The following RGS8 variants were observed in gnomAD, a reference collection of about 807,000 sequenced individuals.
RGS8 encodes the protein regulator of G-protein signaling 8.
A neutral mutation model predicts 21.7 loss-of-function variants in RGS8; 8 were observed. The ratio of observed to expected loss-of-function variants is 0.37; its 90% CI spans 0.22 to 0.66. The LOEUF (loss-of-function observed/expected upper bound fraction) is 0.66, where lower values mean the gene tolerates loss of function less well. Ranked by LOEUF, RGS8 falls within the 30% of genes least tolerant of loss-of-function variation. RGS8 has a pLI of 0.59. For missense variants in RGS8, 157 were observed against 217.9 expected (o/e 0.72, Z 1.76); for synonymous variants, 80 against 83.6 (o/e 0.96, Z 0.24).
At position 182,655,999 on chromosome 1, in the gene RGS8, G is replaced by T. The variant is rs79080234; in HGVS notation, c.194-7696C>A. 2.8e-3 allele frequency among the ~76,000 whole-genome samples: 422 copies of T among 152,274 alleles called. 3 individuals carry two copies. The highest frequency in any genetic ancestry group is 9.6e-3 in the African/African-American group (397 of 41,542). ...GCCCAAGCGTTCTCATCTCTAAAAT[G>T]GGAATAATGAATAATGTCAGGACTT... On this transcript the variant is annotated intron_variant, in intron 5 of 6. Transcript: ENST00000483095.
chr1:182,689,247 G>A (rs540069784), upstream of RGS8, among the ~76,000 whole-genome samples: 77 of 148,226 alleles, frequency 5.2e-4, no homozygotes, highest in African/African-American at 1.7e-3. Flanking sequence ...TCTCGTGCAC[G>A]CGCACGCACA....
At chr1:182,701,935 C>T in the RGS8 span, among the ~76,000 whole-genome samples, 2 of 152,132 alleles carry the variant, frequency 1.3e-5, no homozygotes, top group Non-Finnish European at 2.9e-5. Flanking sequence ...TAAAAAACAA[C>T]AGACGCTGGT....
intron 1 of RGS8, among the ~76,000 whole-genome samples, chr1:182,679,621 C>G (rs1174909880): frequency 2.0e-5 from 3 of 152,030 alleles, no homozygotes; most frequent in Non-Finnish European, 4.4e-5. Flanking sequence ...ATATTTTTGT[C>G]CAACTCTAGC....
At chr1:182,673,556 G>A (rs1312214929), upstream of RGS8, among the ~76,000 whole-genome samples, 2 of 152,160 alleles carry the variant, frequency 1.3e-5, no homozygotes, top group African/African-American at 2.4e-5. Flanking sequence ...CTGTTGATAA[G>A]ATGAAATAAA....
At chr1:182,705,586 G>GA in the RGS8 span, among the ~76,000 whole-genome samples, 1 of 135,624 alleles carries the variant, frequency 7.4e-6, no homozygotes, top group African/African-American at 2.9e-5. Context: ...GGGTGAGTAT[G>GA]AAGGAGAAGG....
At chr1:182,698,112 C>A in the RGS8 span, among the ~76,000 whole-genome samples, 5 of 152,232 alleles carry the variant, frequency 3.3e-5, no homozygotes, top group Non-Finnish European at 5.9e-5. Flanking sequence ...TCCCCTGTTT[C>A]TCCCTTCCCC....
chr1:182,685,298 T>C (rs923625476), upstream of RGS8, among the ~76,000 whole-genome samples: 3 of 152,112 alleles, frequency 2.0e-5, no homozygotes, highest in African/African-American at 7.2e-5. Context: ...TAAAGGTCCA[T>C]TTGGAGAGTC....
intron 5 of RGS8, among the ~76,000 whole-genome samples, chr1:182,651,015 A>G (rs915346585): frequency 1.3e-5 from 2 of 152,226 alleles, no homozygotes; most frequent in Non-Finnish European, 1.5e-5. Flanking sequence ...AGAGTAACGT[A>G]ATTTAGACTC....
At chr1:182,672,884 T>C, upstream of RGS8, 3 of 1,610,896 alleles carry the variant, frequency 1.9e-6, no homozygotes, top group Non-Finnish European at 2.5e-6. Context: ...CTTGCCCTAG[T>C]GTAGTGGTTC....
the RGS8 span, among the ~76,000 whole-genome samples, chr1:182,736,234 C>A: frequency 8.5e-5 from 13 of 152,170 alleles, no homozygotes; most frequent in Non-Finnish European, 1.9e-4. Context: ...ACCAGTGGTA[C>A]AATTACCACT....
At chr1:182,663,994 C>T (rs1381787495) in intron 5 of RGS8, among the ~76,000 whole-genome samples, 2 of 152,146 alleles carry the variant, frequency 1.3e-5, no homozygotes, top group African/African-American at 2.4e-5. Flanking sequence ...ATCAGAGTCT[C>T]CATCTCAGAA....
At chr1:182,683,545 C>A (rs1052318093) in intron 1 of RGS8, among the ~76,000 whole-genome samples, 1 of 149,020 alleles carries the variant, frequency 6.7e-6, no homozygotes, top group Non-Finnish European at 1.5e-5. Context: ...AAGCCAGGTT[C>A]TCAGTATGTA....
chr1:182,671,575 G>A, intron 2 of RGS8, 82 bp downstream of exon 3: 1 of 1,214,464 alleles, frequency 8.2e-7, no homozygotes, highest in Non-Finnish European at 1.2e-6. Context: ...GCATGAAGAG[G>A]CAAGTTAATT....
chr1:182,690,424 G>C, the RGS8 span, among the ~76,000 whole-genome samples: 1 of 152,194 alleles, frequency 6.6e-6, no homozygotes, highest in African/African-American at 2.4e-5. Context: ...AAATATCAGT[G>C]ATGGAGTTGT....
chr1:182,729,061 G>T, the RGS8 span, among the ~76,000 whole-genome samples: 1 of 152,226 alleles, frequency 6.6e-6, no homozygotes, highest in South Asian at 2.1e-4. Flanking sequence ...GGTAAGGCAG[G>T]ACAACCTGCT....
At chr1:182,685,098 A>T (rs1664669127), upstream of RGS8, among the ~76,000 whole-genome samples, 1 of 152,146 alleles carries the variant, frequency 6.6e-6, no homozygotes, top group South Asian at 2.1e-4. Flanking sequence ...AGGCAAAAAA[A>T]AAAAAAAAAT....
the RGS8 span, among the ~76,000 whole-genome samples, chr1:182,698,398 C>T: frequency 1.7e-4 from 26 of 152,312 alleles, no homozygotes; most frequent in African/African-American, 6.3e-4. Flanking sequence ...ATAACCCTGC[C>T]GTGCCTCAGT....
intron 6 of RGS8, 83 bp downstream of exon 7, chr1:182,648,054 A>G (rs1424477439): frequency 7.7e-7 from 1 of 1,301,400 alleles, no homozygotes; most frequent in African/African-American, 1.5e-5. Context: ...AGTCCTCATC[A>G]AGCCTGGCTC....
intron 1 of RGS8, among the ~76,000 whole-genome samples, chr1:182,682,812 A>T (rs1330905497): frequency 1.3e-5 from 2 of 152,172 alleles, no homozygotes; most frequent in Non-Finnish European, 2.9e-5. Context: ...TTCTTAACAG[A>T]AAGATGAGGG....
Sources: gnomAD v4.1 joint callset for allele counts (sites outside exome capture counted in the v4.1 genomes callset) on GRCh38, gnomAD v4.1.1 for gene constraint, MANE v1.5 for transcripts, NCBI Gene and HGNC (gene_info 2026-07-23, HGNC 2026-07-21) for gene names.